Variants in MYO9B observed in about 807,000 individuals in gnomAD.
MYO9B encodes myosin IXB, also known as unconventional myosin-IXb.
Under a neutral mutation model 229.5 loss-of-function variants are expected in MYO9B, and 71 were observed. That is an observed-to-expected ratio of 0.31 (90% CI 0.26 to 0.38). The LOEUF is 0.38. MYO9B is among the 10% of genes least tolerant of loss of function. MYO9B has a pLI of 1.00. For synonymous variants in MYO9B, 1,185 were observed against 1,235.8 expected, an observed-to-expected ratio of 0.96 and a Z score of 0.86; for missense variants, 2,255 against 2,920.5, an observed-to-expected ratio of 0.77 and a Z score of 5.25.
intron 11 of MYO9B, among the ~76,000 whole-genome samples, chr19:17,168,773 G>A (rs2072688278): frequency 6.6e-6 from 1 of 152,148 alleles, no homozygotes; most frequent in Non-Finnish European, 1.5e-5. Flanking sequence ...CTCCAGCCTG[G>A]GCAATGGAGC....
intron 1 of MYO9B, among the ~76,000 whole-genome samples, chr19:17,083,951 C>T (rs965405903): frequency 1.3e-5 from 2 of 151,950 alleles, no homozygotes; most frequent in African/African-American, 2.4e-5. Context: ...ATGCCCAGCC[C>T]GCACATTTAA....
In MYO9B at chr19:17,078,094, CA is replaced by C. The variant is rs1213758998; in HGVS notation, c.-59+2223del. Among the ~76,000 whole-genome samples, 4 of 152,166 alleles carry C rather than the reference CA, an allele frequency of 2.6e-5. No homozygotes were observed. In the East Asian group the frequency reaches 7.7e-4, roughly 29 times the overall value. On this transcript the variant is annotated intron_variant, in intron 1 of 39. Coordinates refer to ENST00000682292, the MANE Select transcript of MYO9B (RefSeq NM_004145.4). ...GCTGCTTCCCATTCCTCATCTCTTC[CA>C]AATGGTGTGTCTTGGGTGGGCCTAG...
At position 17,203,973 on chromosome 19, in the gene MYO9B, T is replaced by C. The variant is rs1010704962; in HGVS notation, c.4990+715T>C. 2.6e-5 allele frequency among the ~76,000 whole-genome samples: 4 copies of C among 152,202 alleles called. No homozygotes were observed. The East Asian group carries it at 5.8e-4, about 22-fold the overall frequency. The stretch of plus-strand genomic sequence containing the variant: ...GATCCATGCTCACACAGCTTTGATA[T>C]GGCCAAGTCAGTACCCAAGCCCAGG... On this transcript the variant is annotated intron_variant, in intron 30 of 39. Transcript: ENST00000682292.
intron 3 of MYO9B, among the ~76,000 whole-genome samples, chr19:17,147,810 G>A (rs1272423960): frequency 7.1e-6 from 1 of 139,890 alleles, no homozygotes; most frequent in Non-Finnish European, 1.5e-5. Context: ...CTCAGCTCGA[G>A]TAGCTGGGAT....
At chr19:17,170,657 A>G (rs1469720168) in intron 11 of MYO9B, among the ~76,000 whole-genome samples, 1 of 27,416 alleles carries the variant, frequency 3.6e-5, no homozygotes, top group African/African-American at 2.1e-4. Flanking sequence ...CAAAAAAAAA[A>G]AAAAAAAAAA....
At chr19:17,119,392 C>T (rs1247587499) in intron 2 of MYO9B, among the ~76,000 whole-genome samples, 2 of 152,214 alleles carry the variant, frequency 1.3e-5, no homozygotes, top group African/African-American at 4.8e-5. Context: ...TTACAGCCGG[C>T]TTCTGGTGTT....
intron 2 of MYO9B, among the ~76,000 whole-genome samples, chr19:17,138,209 G>A (rs1363022800): frequency 6.6e-6 from 1 of 152,068 alleles, no homozygotes; most frequent in African/African-American, 2.4e-5. Flanking sequence ...CTTCATCCAT[G>A]TCCCTGCAAA....
At chr19:17,099,569 A>C (rs2057724638) in intron 1 of MYO9B, among the ~76,000 whole-genome samples, 1 of 151,846 alleles carries the variant, frequency 6.6e-6, no homozygotes, top group Non-Finnish European at 1.5e-5. Flanking sequence ...TAATGAGAGC[A>C]CTTTGGAAGC....
rs114354696 is a variant in MYO9B, at chr19:17,164,870, G to A, written c.1671+1748G>A. On this transcript the variant is annotated intron_variant, in intron 10 of 39. Transcript: ENST00000682292. ...CAGAATTAAGTTGTGCAGGAAGGGT[G>A]TGACATACACACTAAATTGTGAAGA... Among the ~76,000 whole-genome samples, 1,262 of 152,288 alleles carry A rather than the reference G, an allele frequency of 8.3e-3. 22 individuals are homozygous for A. Among genetic ancestry groups the A allele is most frequent in the African/African-American group, 0.028 (1,159 of 41,558 alleles).
At chr19:17,182,929 G>T (rs994268102) in intron 15 of MYO9B, among the ~76,000 whole-genome samples, 80 of 151,990 alleles carry the variant, frequency 5.3e-4, no homozygotes, top group Non-Finnish European at 2.1e-4. Flanking sequence ...TTGGGTTTTG[G>T]GGGGGGTTTT....
chr19:17,210,926 C>A, intron 38 of MYO9B, 78 bp downstream of exon 38: 1 of 1,506,784 alleles, frequency 6.6e-7, no homozygotes, highest in Non-Finnish European at 9.0e-7. Context: ...TGGTGGTCCG[C>A]TTGACCTCGC....
chr19:17,125,662 G>A (rs1017292832), intron 2 of MYO9B, among the ~76,000 whole-genome samples: 3 of 152,118 alleles, frequency 2.0e-5, no homozygotes, highest in South Asian at 2.1e-4. Flanking sequence ...TGCCATCTGC[G>A]TCTGTGGCTG....
At chr19:17,158,044 G>T (rs1401591225) in intron 7 of MYO9B, among the ~76,000 whole-genome samples, 1 of 152,110 alleles carries the variant, frequency 6.6e-6, no homozygotes, top group Admixed American at 6.6e-5. Flanking sequence ...GTTGCTCCTG[G>T]CATCTGCTAG....
chr19:17,206,848 T>C, intron 34 of MYO9B, 64 bp downstream of exon 34: 1 of 1,400,402 alleles, frequency 7.1e-7, no homozygotes, highest in Non-Finnish European at 9.9e-7. Flanking sequence ...CGAGGCAGCA[T>C]TTCCCAGGAG....
intron 37 of MYO9B, 79 bp from the exon 38 acceptor site, chr19:17,210,636 C>A: frequency 6.9e-7 from 1 of 1,454,368 alleles, no homozygotes; most frequent in South Asian, 1.4e-5. Context: ...CAACTAACCT[C>A]CTGGGATCTG....
chr19:17,113,075 C>T (rs1217204125), intron 2 of MYO9B, among the ~76,000 whole-genome samples: 1 of 152,204 alleles, frequency 6.6e-6, no homozygotes, highest in Non-Finnish European at 1.5e-5. Context: ...AGAGCAATAC[C>T]TGCAGTCAGC....
At chr19:17,136,698 G>A (rs2072274302) in intron 2 of MYO9B, among the ~76,000 whole-genome samples, 2 of 152,052 alleles carry the variant, frequency 1.3e-5, no homozygotes, top group Admixed American at 1.3e-4. Flanking sequence ...AGTCCCATAG[G>A]CACCCAGGAA....
chr19:17,187,236 T>C (rs1290975124), intron 18 of MYO9B, among the ~76,000 whole-genome samples: 1 of 152,186 alleles, frequency 6.6e-6, no homozygotes, highest in Non-Finnish European at 1.5e-5. Context: ...TCTCTGCCTG[T>C]TCCCTCCTCA....
At chr19:17,121,444 A>AATATATAT (rs59741893) in intron 2 of MYO9B, among the ~76,000 whole-genome samples, 55 of 142,614 alleles carry the variant, frequency 3.9e-4, no homozygotes, top group African/African-American at 1.1e-3. Flanking sequence ...ATGTATTCCA[A>AATATATAT]ATATATATAT....
Sources: gnomAD v4.1 joint callset for allele counts (sites outside exome capture counted in the v4.1 genomes callset) on GRCh38, gnomAD v4.1.1 for gene constraint, MANE v1.5 for transcripts, NCBI Gene and HGNC (gene_info 2026-07-23, HGNC 2026-07-21) for gene names.